CADM2: variants seen among roughly 807,000 people sequenced by gnomAD.
The protein encoded by CADM2 is cell adhesion molecule 2, also known as immunoglobulin superfamily member 4D.
A neutral mutation model predicts 49.8 loss-of-function variants in CADM2; 12 were observed. The observed-to-expected ratio is 0.24, with a 90% CI of 0.15 to 0.39. CADM2 has a LOEUF of 0.39. CADM2 is among the 10% of genes least tolerant of loss of function. The pLI, the probability that CADM2 is intolerant of heterozygous loss-of-function variation, is 1.00. For synonymous variants in CADM2, 214 were observed against 175.4 expected (o/e 1.22, Z -1.74); for missense variants, 378 against 492.3 (o/e 0.77, Z 2.20).
intron 3 of CADM2, among the ~76,000 whole-genome samples, chr3:85,862,303 T>G (rs1460742311): frequency 6.6e-6 from 1 of 152,152 alleles, no homozygotes; most frequent in Non-Finnish European, 1.5e-5. Flanking sequence ...ATCAAGAAAA[T>G]ATAATTTTAT....
chr3:84,986,649 T>C (rs1042414606), intron 1 of CADM2, among the ~76,000 whole-genome samples: 2 of 151,794 alleles, frequency 1.3e-5, no homozygotes, highest in African/African-American at 4.8e-5. Flanking sequence ...ATATACCTAA[T>C]GCTAAATGAC....
intron 1 of CADM2, among the ~76,000 whole-genome samples, chr3:85,285,682 A>C (rs2043617492): frequency 6.6e-6 from 1 of 152,052 alleles, no homozygotes; most frequent in Non-Finnish European, 1.5e-5. Context: ...TTAAGTAGCA[A>C]ATAATACAGA....
chr3:85,885,009 G>A (rs1018060007), intron 4 of CADM2, among the ~76,000 whole-genome samples: 10 of 150,834 alleles, frequency 6.6e-5, no homozygotes, highest in African/African-American at 1.2e-4. Flanking sequence ...ATGAGCCACC[G>A]TACCTGGCCA....
rs906867259 is a variant in CADM2, at chr3:86,067,681, A to G, written c.*898A>G. 1 of 152,532 alleles carries G rather than the reference A, an allele frequency of 6.6e-6. No homozygotes were observed. The highest frequency in any genetic ancestry group is 1.5e-5 in the Non-Finnish European group (1 of 67,940). 9.4% of individuals were successfully genotyped at this position (152,532 alleles called of 1,614,324 possible). On this transcript the variant is annotated 3_prime_UTR_variant, in exon 10 of 10. Transcript: ENST00000383699. ...GTATATAGTGCATATAATAAATCCAATTAAACATTATTTGATACATATTTA... is the reference window on the plus strand; with the variant it reads ...GTATATAGTGCATATAATAAATCCAGTTAAACATTATTTGATACATATTTA...
At chr3:85,299,946 G>A (rs1316826201) in intron 1 of CADM2, among the ~76,000 whole-genome samples, 1 of 152,022 alleles carries the variant, frequency 6.6e-6, no homozygotes, top group Admixed American at 6.6e-5. Context: ...GTACGACAAA[G>A]ATTTCAAGGA....
chr3:85,494,449 G>C (rs1017280402), intron 1 of CADM2, among the ~76,000 whole-genome samples: 21 of 152,152 alleles, frequency 1.4e-4, no homozygotes, highest in Non-Finnish European at 2.6e-4. Context: ...TAAAAACCTA[G>C]AATCTTGTGT....
At chr3:85,516,415 T>G (rs1050710726) in intron 1 of CADM2, among the ~76,000 whole-genome samples, 2 of 152,208 alleles carry the variant, frequency 1.3e-5, no homozygotes, top group South Asian at 2.1e-4. Flanking sequence ...GTCTCAAGCT[T>G]CTTCTTATAG....
At chr3:85,524,202 G>T (rs2061102256) in intron 1 of CADM2, among the ~76,000 whole-genome samples, 1 of 151,934 alleles carries the variant, frequency 6.6e-6, no homozygotes, top group African/African-American at 2.4e-5. Flanking sequence ...GATTATCTTT[G>T]TTGTCCTGTT....
chr3:85,167,828 C>T lies in CADM2; in HGVS notation c.61+208160C>T, dbSNP rs574016856. 5.9e-5 allele frequency among the ~76,000 whole-genome samples: 9 copies of T among 152,222 alleles called. No homozygotes were observed. The South Asian group carries it at 1.0e-3, about 18-fold the overall frequency. On this transcript the variant is annotated intron_variant, in intron 1 of 9. Transcript: ENST00000383699. ...CAGAGAGAATGCATAAAATTATCTG[C>T]AGTCATACTATCCAAAACACATTCA...
At chr3:85,125,486 G>T (rs1376946850) in intron 1 of CADM2, among the ~76,000 whole-genome samples, 1 of 152,036 alleles carries the variant, frequency 6.6e-6, no homozygotes, top group Non-Finnish European at 1.5e-5. Context: ...AGCCTCCTGG[G>T]TGGCCAGGAC....
intron 8 of CADM2, among the ~76,000 whole-genome samples, chr3:86,049,389 C>T (rs1209277695): frequency 1.3e-5 from 2 of 151,740 alleles, no homozygotes; most frequent in Non-Finnish European, 2.9e-5. Context: ...ATCCTCCTGC[C>T]TCAGCCTCCC....
intron 1 of CADM2, among the ~76,000 whole-genome samples, chr3:85,321,062 G>T (rs1370112965): frequency 4.2e-5 from 4 of 95,816 alleles, no homozygotes; most frequent in Non-Finnish European, 7.8e-5. Context: ...AAACTATATT[G>T]TTTTAAATGT....
chr3:85,227,848 C>A (rs751895084), intron 1 of CADM2, among the ~76,000 whole-genome samples: 3 of 152,116 alleles, frequency 2.0e-5, no homozygotes, highest in African/African-American at 7.2e-5. Context: ...CAAAATCACT[C>A]AGGATTTGCT....
At chr3:85,516,522 A>G (rs1031918470) in intron 1 of CADM2, among the ~76,000 whole-genome samples, 1 of 152,146 alleles carries the variant, frequency 6.6e-6, no homozygotes. Context: ...GCTCAATATC[A>G]TACTCTTTTC....
intron 1 of CADM2, among the ~76,000 whole-genome samples, chr3:85,391,365 A>G (rs1293163217): frequency 6.6e-6 from 1 of 152,098 alleles, no homozygotes; most frequent in Non-Finnish European, 1.5e-5. Context: ...AAGGAGATAT[A>G]AAGATAAGAT....
At chr3:85,651,219 G>A (rs1220998735) in intron 1 of CADM2, among the ~76,000 whole-genome samples, 1 of 152,042 alleles carries the variant, frequency 6.6e-6, no homozygotes, top group Non-Finnish European at 1.5e-5. Context: ...AAAATTCAGT[G>A]AACATTTTAT....
intron 1 of CADM2, among the ~76,000 whole-genome samples, chr3:85,060,255 T>C (rs2036254385): frequency 3.3e-5 from 5 of 152,068 alleles, no homozygotes; most frequent in Admixed American, 3.3e-4. Flanking sequence ...CTAAGCCTCC[T>C]AAGTGGGATT....
chr3:85,100,708 A>G (rs2107543952), intron 1 of CADM2, among the ~76,000 whole-genome samples: 1 of 152,342 alleles, frequency 6.6e-6, no homozygotes, highest in Non-Finnish European at 1.5e-5. Flanking sequence ...GGAGCCCTTG[A>G]AGTGCATGGA....
chr3:85,205,927 C>A (rs1435082063), intron 1 of CADM2, among the ~76,000 whole-genome samples: 4 of 151,732 alleles, frequency 2.6e-5, no homozygotes, highest in African/African-American at 7.3e-5. Flanking sequence ...CAAACTAATT[C>A]AAAAATAAAA....
Sources: allele counts gnomAD v4.1 joint callset (sites outside exome capture counted in the v4.1 genomes callset), GRCh38; gene constraint gnomAD v4.1.1; transcripts MANE v1.5; gene names NCBI Gene and HGNC (gene_info 2026-07-23, HGNC 2026-07-21).